The following TMTC2 variants were observed in gnomAD, a reference collection of about 807,000 sequenced individuals.
TMTC2 encodes protein O-mannosyl-transferase TMTC2.
In TMTC2, 43 loss-of-function variants were observed where a neutral mutation model predicts 82.4. That is an observed-to-expected ratio of 0.52 (90% CI 0.41 to 0.67). The LOEUF (loss-of-function observed/expected upper bound fraction) is 0.67. TMTC2 is among the 30% of genes least tolerant of loss of function. TMTC2 has a pLI of 0.00. For missense variants in TMTC2, 919 were observed against 1,012.4 expected (o/e 0.91, Z 1.25); for synonymous variants, 408 against 381.9 (o/e 1.07, Z -0.80).
intron 9 of TMTC2, among the ~76,000 whole-genome samples, chr12:83,034,707 G>A (rs1283775881): frequency 6.6e-6 from 1 of 152,126 alleles, no homozygotes; most frequent in African/African-American, 2.4e-5. Flanking sequence ...TAGGGATGGT[G>A]TGTTTTCCAT....
At chr12:82,745,606 A>G (rs1875648642) in intron 1 of TMTC2, among the ~76,000 whole-genome samples, 1 of 152,216 alleles carries the variant, frequency 6.6e-6, no homozygotes, top group Admixed American at 6.5e-5. Flanking sequence ...ACAAGAGCCT[A>G]GAGAAAACAC....
At position 83,122,945 on chromosome 12, in the gene TMTC2, C is replaced by T. The variant is rs1320169466; in HGVS notation, c.2332-9265C>T. 9.9e-5 allele frequency among the ~76,000 whole-genome samples: 15 copies of T among 152,284 alleles called. 1 individual carries two copies. Among genetic ancestry groups the T allele is most frequent in the Middle Eastern group, 6.8e-3 (2 of 294 alleles). On this transcript the variant is annotated intron_variant, in intron 11 of 11. Coordinates refer to ENST00000321196, the MANE Select transcript of TMTC2 (RefSeq NM_152588.3). ...AGAAACCCAGCTTTGAAAATAGGATCGTCTTTACTGAAGAATAATTTCCGG... is the reference window on the plus strand; with the variant it reads ...AGAAACCCAGCTTTGAAAATAGGATTGTCTTTACTGAAGAATAATTTCCGG...
At chr12:82,796,911 T>G (rs972955534) in intron 1 of TMTC2, among the ~76,000 whole-genome samples, 1 of 152,120 alleles carries the variant, frequency 6.6e-6, no homozygotes, top group Non-Finnish European at 1.5e-5. Context: ...ACTTCATATT[T>G]TTGTGAAGTT....
intron 11 of TMTC2, among the ~76,000 whole-genome samples, chr12:83,066,233 A>G (rs1394125872): frequency 6.6e-6 from 1 of 151,944 alleles, no homozygotes; most frequent in Non-Finnish European, 1.5e-5. Flanking sequence ...GAGAGAAATG[A>G]CATTCAGCTG....
chr12:82,991,808 A>G (rs1879414020), intron 8 of TMTC2, among the ~76,000 whole-genome samples: 1 of 152,188 alleles, frequency 6.6e-6, no homozygotes, highest in Non-Finnish European at 1.5e-5. Flanking sequence ...GGTATTTCAG[A>G]TGGTTTTATA....
chr12:83,093,097 G>C (rs1883897604), intron 11 of TMTC2, among the ~76,000 whole-genome samples: 1 of 152,086 alleles, frequency 6.6e-6, no homozygotes, highest in Non-Finnish European at 1.5e-5. Context: ...TACTCTGTGT[G>C]TGTGTGCATG....
At chr12:82,786,186 A>G (rs1306931536) in intron 1 of TMTC2, among the ~76,000 whole-genome samples, 2 of 152,052 alleles carry the variant, frequency 1.3e-5, no homozygotes, top group African/African-American at 4.8e-5. Context: ...ATGTATCTGC[A>G]TGGGTGTAAA....
At chr12:82,695,040 A>G (rs1934528891) in intron 1 of TMTC2, among the ~76,000 whole-genome samples, 1 of 152,168 alleles carries the variant, frequency 6.6e-6, no homozygotes, top group South Asian at 2.1e-4. Flanking sequence ...ACTTCAAAGG[A>G]TGTGTTATTT....
chr12:82,981,520 T>G lies in TMTC2; in HGVS notation c.1949-4405T>G, dbSNP rs544608816. Reference sequence around the variant, plus strand: ...GTGAAATGGAAATAAATCTGGGTGATGAACCTGATCATTCTATCATCGCAC... The same window carrying G: ...GTGAAATGGAAATAAATCTGGGTGAGGAACCTGATCATTCTATCATCGCAC... On this transcript the variant is annotated intron_variant, in intron 7 of 11. Transcript: ENST00000321196. Among the ~76,000 whole-genome samples, 18 of 152,058 alleles carry G rather than the reference T, an allele frequency of 1.2e-4. No individual in the cohort carries two copies. The South Asian group carries it at 3.7e-3, about 32-fold the overall frequency.
chr12:82,896,452 GCT>G lies in TMTC2; in HGVS notation c.1290_1291del (p.Phe431LeufsTer9). 6.2e-7 allele frequency: 1 copy of G among 1,614,090 alleles called. No individual in the cohort carries two copies. Among genetic ancestry groups the G allele is most frequent in the Non-Finnish European group, 8.5e-7 (1 of 1,180,010 alleles). ...CGAGTATTATATATTCCTAGTATGG[GCT>G]TCTGCCTACTGATTACAGTGGGTGC... On this transcript the variant is annotated frameshift_variant, in exon 3 of 12. Coordinates refer to ENST00000321196, the MANE Select transcript of TMTC2 (RefSeq NM_152588.3). LOFTEE classifies it high-confidence loss of function.
At chr12:82,926,075 G>C (rs1217516478) in intron 3 of TMTC2, among the ~76,000 whole-genome samples, 1 of 151,102 alleles carries the variant, frequency 6.6e-6, no homozygotes, top group African/African-American at 2.4e-5. Flanking sequence ...ACTGCCTCCC[G>C]GGTTCAAGCG....
rs540482188 is a variant in TMTC2, at chr12:82,904,609, C to T, written c.1483+7963C>T. Among the ~76,000 whole-genome samples, 5 of 152,318 alleles carry T rather than the reference C, an allele frequency of 3.3e-5. No individual in the cohort carries two copies. In the South Asian group the frequency reaches 6.2e-4, roughly 19 times the overall value. ...GATTTCACAATGACTCTTTGCATTT[C>T]TGTGCTTAGGAAAAAGCAAATTTTC... On this transcript the variant is annotated intron_variant, in intron 3 of 11. Transcript: ENST00000321196.
intron 8 of TMTC2, among the ~76,000 whole-genome samples, chr12:83,012,770 G>A (rs1181108130): frequency 2.0e-5 from 3 of 152,120 alleles, no homozygotes; most frequent in Non-Finnish European, 4.4e-5. Flanking sequence ...AGAATTTCAT[G>A]AACAGTGGTC....
chr12:83,032,792 C>T (rs1241533910), intron 9 of TMTC2, among the ~76,000 whole-genome samples: 1 of 152,070 alleles, frequency 6.6e-6, no homozygotes, highest in Admixed American at 6.5e-5. Context: ...AACTCCTGAC[C>T]TCAGGTGATC....
chr12:82,823,431 C>A (rs1228398895), intron 1 of TMTC2, among the ~76,000 whole-genome samples: 1 of 152,182 alleles, frequency 6.6e-6, no homozygotes, highest in South Asian at 2.1e-4. Flanking sequence ...TCATAATTCA[C>A]CTGCCAGGTA....
intron 1 of TMTC2, among the ~76,000 whole-genome samples, chr12:82,694,965 GA>G (rs1407477961): frequency 6.6e-6 from 1 of 152,164 alleles, no homozygotes; most frequent in Non-Finnish European, 1.5e-5. Flanking sequence ...GATTTCCTTA[GA>G]AGTAGAAAAT....
chr12:82,779,283 C>T (rs2137006235), intron 1 of TMTC2, among the ~76,000 whole-genome samples: 1 of 152,048 alleles, frequency 6.6e-6, no homozygotes, highest in South Asian at 2.1e-4. Context: ...GGCTGATGGG[C>T]TTGCCGATGG....
At chr12:83,097,863 A>G (rs1197583794) in intron 11 of TMTC2, among the ~76,000 whole-genome samples, 1 of 152,226 alleles carries the variant, frequency 6.6e-6, no homozygotes, top group Non-Finnish European at 1.5e-5. Context: ...AGCCTGGAGC[A>G]GACAGAATGC....
intron 3 of TMTC2, among the ~76,000 whole-genome samples, chr12:82,907,773 T>G (rs893363704): frequency 3.3e-5 from 5 of 152,226 alleles, no homozygotes; most frequent in Non-Finnish European, 7.3e-5. Flanking sequence ...AGCATATGAT[T>G]AAGCATGAAG....
Sources: gnomAD v4.1 joint callset for allele counts (sites outside exome capture counted in the v4.1 genomes callset) on GRCh38, gnomAD v4.1.1 for gene constraint, MANE v1.5 for transcripts, NCBI Gene and HGNC (gene_info 2026-07-23, HGNC 2026-07-21) for gene names.